Variants in AHI1 observed in about 807,000 individuals in gnomAD.
AHI1 encodes Abelson helper integration site 1, also known as jouberin.
Under a neutral mutation model 149.3 loss-of-function variants are expected in AHI1, and 123 were observed. The observed-to-expected ratio is 0.82, with a 90% CI of 0.71 to 0.96. The LOEUF (loss-of-function observed/expected upper bound fraction) is 0.96. Among genes scored for constraint, AHI1 ranks in the 40% least tolerant of loss-of-function variants. AHI1 has a pLI of 0.00. For synonymous variants in AHI1, 475 were observed against 459.8 expected, an observed-to-expected ratio of 1.03 and a Z score of -0.42; for missense variants, 1,439 against 1,422.7, an observed-to-expected ratio of 1.01 and a Z score of -0.18.
intron 21 of AHI1, among the ~76,000 whole-genome samples, chr6:135,408,007 C>A (rs1461597320): frequency 6.6e-6 from 1 of 151,660 alleles, no homozygotes. Flanking sequence ...TGTACTCCAG[C>A]CTGGGCGACA....
rs559260412 is a variant in AHI1 at position 135,474,223 on chromosome 6, T to A, written c.136-6589A>T. Among the ~76,000 whole-genome samples the A allele has an allele frequency of 2.3e-4, 35 of 152,338 alleles. No homozygotes were observed. In the South Asian group the frequency reaches 4.8e-3, roughly 21 times the overall value. ...CATAAGAACCACCTGTAACTTCTAG[T>A]AGCACTTTTTTTGTAGATTTTTTTG... On this transcript the variant is annotated intron_variant, in intron 5 of 28. Coordinates refer to ENST00000265602, the MANE Select transcript of AHI1 (RefSeq NM_001134831.2).
rs1171409864 is a variant in AHI1 at position 135,369,407 on chromosome 6, C to CAAGT, written c.3110-11224_3110-11221dup. ...GCTCTGTCCGTCCAAGTGGGAGCTG[C>CAAGT]AAGTTAGTCCTGCCTCCTATCTGCC... is the stretch of plus-strand genomic sequence containing the variant. On this transcript the variant is annotated intron_variant, in intron 23 of 28. Coordinates refer to ENST00000265602, the MANE Select transcript of AHI1 (RefSeq NM_001134831.2). Among the ~76,000 whole-genome samples the CAAGT allele has an allele frequency of 2.0e-5, 3 of 152,198 alleles. No homozygotes were observed. The East Asian group carries it at 5.8e-4, about 29-fold the overall frequency.
chr6:135,325,945 T>A (rs568885704), intron 24 of AHI1, among the ~76,000 whole-genome samples: 46 of 152,188 alleles, frequency 3.0e-4, no homozygotes, highest in African/African-American at 1.1e-3. Context: ...GTCTGAAAAA[T>A]TTTCCTGAAT....
intron 23 of AHI1, among the ~76,000 whole-genome samples, chr6:135,366,430 A>C (rs1045988924): frequency 6.6e-6 from 1 of 151,934 alleles, no homozygotes; most frequent in African/African-American, 2.4e-5. Context: ...CTTATTTTTG[A>C]TGGCAAATTT....
rs573790442 is a variant in AHI1, at chr6:135,395,727, A to G, written c.2989-831T>C. ...ATCTTTTTCATTACTTTCAAAAAGC[A>G]CAATAAAATGTGATCTATTTTGGAG... On this transcript the variant is annotated intron_variant, in intron 22 of 28. Transcript: ENST00000265602. Among the ~76,000 whole-genome samples, 11 of 152,070 alleles carry G rather than the reference A, an allele frequency of 7.2e-5. No individual in the cohort carries two copies. In the East Asian group the frequency reaches 2.1e-3, roughly 29 times the overall value.
intron 23 of AHI1, chr6:135,388,102 A>G (rs1777883062): frequency 1.3e-6 from 2 of 1,544,066 alleles, no homozygotes; most frequent in East Asian, 4.6e-5. Flanking sequence ...TAGTACCATA[A>G]AAGACATTTA....
chr6:135,323,443 G>A (rs922175125), intron 24 of AHI1, 119 bp from the exon 25 acceptor site: 2 of 1,080,778 alleles, frequency 1.9e-6, no homozygotes, highest in African/African-American at 3.2e-5. Flanking sequence ...TGGTAAGTGT[G>A]AGGCTGTCTC....
At chr6:135,425,776 C>T (rs1211464012) in intron 20 of AHI1, among the ~76,000 whole-genome samples, 1 of 151,790 alleles carries the variant, frequency 6.6e-6, no homozygotes, top group Non-Finnish European at 1.5e-5. Context: ...GACTTCTTTG[C>T]TTACTGCCTA....
intron 21 of AHI1, among the ~76,000 whole-genome samples, chr6:135,408,430 A>T (rs566206893): frequency 6.6e-5 from 10 of 152,170 alleles, no homozygotes; most frequent in African/African-American, 2.4e-4. Context: ...TTAAAATACA[A>T]AGAACTGCAA....
rs79434239 is a variant in AHI1 at position 135,455,574 on chromosome 6, G to A, written c.1344+160C>T. Among the ~76,000 whole-genome samples, 1,631 of 152,132 alleles carry A rather than the reference G, an allele frequency of 0.011. 34 individuals are homozygous for A. The highest frequency in any genetic ancestry group is 0.035 in the African/African-American group (1,462 of 41,500). Reference sequence around the variant, plus strand: ...ATGCTATCACTGTTTATAAAAGGGCGTCTCACTTGATTCCACAGCATTGGA... The same window carrying A: ...ATGCTATCACTGTTTATAAAAGGGCATCTCACTTGATTCCACAGCATTGGA... On this transcript the variant is annotated intron_variant, in intron 10 of 28. Transcript: ENST00000265602.
At chr6:135,473,313 T>C (rs1392401057) in intron 5 of AHI1, among the ~76,000 whole-genome samples, 2 of 152,136 alleles carry the variant, frequency 1.3e-5, no homozygotes, top group East Asian at 3.8e-4. Context: ...TATATGCCTA[T>C]CTTTATGACA....
intron 26 of AHI1, among the ~76,000 whole-genome samples, chr6:135,314,754 C>T (rs1785696399): frequency 6.6e-6 from 1 of 152,168 alleles, no homozygotes; most frequent in Non-Finnish European, 1.5e-5. Flanking sequence ...TTAACAATGG[C>T]CTCCTCTTAG....
intron 15 of AHI1, among the ~76,000 whole-genome samples, chr6:135,435,655 A>G (rs1425496101): frequency 1.3e-5 from 2 of 152,218 alleles, no homozygotes; most frequent in Non-Finnish European, 2.9e-5. Context: ...AAATTTTTCA[A>G]TGGGCAATGG....
intron 6 of AHI1, among the ~76,000 whole-genome samples, chr6:135,467,295 C>T (rs1790926162): frequency 6.6e-6 from 1 of 152,048 alleles, no homozygotes; most frequent in African/African-American, 2.4e-5. Context: ...GAAGGAAAGC[C>T]ACCAAATCAA....
intron 22 of AHI1, among the ~76,000 whole-genome samples, chr6:135,403,006 C>T (rs1022119985): frequency 3.3e-5 from 5 of 152,062 alleles, no homozygotes; most frequent in African/African-American, 7.2e-5. Context: ...ATCCTGAAAA[C>T]GTTATTTTGA....
chr6:135,445,779 G>A (rs375744153), intron 13 of AHI1, among the ~76,000 whole-genome samples: 7 of 151,888 alleles, frequency 4.6e-5, no homozygotes, highest in African/African-American at 1.7e-4. Flanking sequence ...CTTGCTGGCC[G>A]GGCACGGTGG....
At chr6:135,414,092 T>G (rs1781995380) in intron 20 of AHI1, among the ~76,000 whole-genome samples, 1 of 152,126 alleles carries the variant, frequency 6.6e-6, no homozygotes, top group African/African-American at 2.4e-5. Flanking sequence ...AAAGCTACAG[T>G]AATCCACACA....
At chr6:135,289,287 G>A (rs1193710101) in intron 28 of AHI1, among the ~76,000 whole-genome samples, 2 of 151,924 alleles carry the variant, frequency 1.3e-5, no homozygotes, top group Admixed American at 6.6e-5. Context: ...CTTGAGGTCA[G>A]GAGTTCAAGA....
chr6:135,295,097 C>A (rs1782920651), intron 27 of AHI1, among the ~76,000 whole-genome samples: 1 of 152,092 alleles, frequency 6.6e-6, no homozygotes, highest in Non-Finnish European at 1.5e-5. Context: ...TAACCTATTA[C>A]AAATGAGCAA....
Sources: gnomAD v4.1 joint callset for allele counts (sites outside exome capture counted in the v4.1 genomes callset) on GRCh38, gnomAD v4.1.1 for gene constraint, MANE v1.5 for transcripts, NCBI Gene and HGNC (gene_info 2026-07-23, HGNC 2026-07-21) for gene names.